Variants in FIRRM observed in about 807,000 individuals in gnomAD.
FIRRM encodes the protein FIGNL1-interacting regulator of recombination and mitosis.
the FIRRM span, among the ~76,000 whole-genome samples, chr1:169,786,550 T>C: frequency 6.6e-6 from 1 of 152,216 alleles, no homozygotes; most frequent in Non-Finnish European, 1.5e-5. Flanking sequence ...TTAGTGTACC[T>C]TTCCACACGC....
chr1:169,795,752 T>C, the FIRRM span: 1 of 985,324 alleles, frequency 1.0e-6, no homozygotes, highest in African/African-American at 1.7e-5. Flanking sequence ...TAAAAATGAT[T>C]TTCCTCCTTC....
chr1:169,839,336 C>G, the FIRRM span, among the ~76,000 whole-genome samples: 1 of 152,148 alleles, frequency 6.6e-6, no homozygotes, highest in African/African-American at 2.4e-5. Flanking sequence ...TTTGAGAAAT[C>G]TCCAAACTGC....
the FIRRM span, chr1:169,800,808 G>A: frequency 3.8e-6 from 2 of 531,914 alleles, no homozygotes; most frequent in South Asian, 2.2e-5. Context: ...TAGTATTCTT[G>A]CATTTAATAA....
the FIRRM span, among the ~76,000 whole-genome samples, chr1:169,816,053 G>A: frequency 1.3e-5 from 2 of 152,150 alleles, no homozygotes; most frequent in African/African-American, 4.8e-5. Flanking sequence ...ATTAGTAAGT[G>A]TTCGATTTAA....
chr1:169,826,470 C>G, the FIRRM span, among the ~76,000 whole-genome samples: 1 of 150,408 alleles, frequency 6.6e-6, no homozygotes, highest in Non-Finnish European at 1.5e-5. Flanking sequence ...TCAAGTGATT[C>G]TCCTGCCTCA....
At chr1:169,789,004 C>CCAA in the FIRRM span, among the ~76,000 whole-genome samples, 2 of 152,162 alleles carry the variant, frequency 1.3e-5, no homozygotes, top group East Asian at 3.8e-4. Flanking sequence ...GTGGCTTCCC[C>CCAA]CAACCATCTG....
the FIRRM span, chr1:169,829,251 A>G: frequency 1.9e-5 from 29 of 1,526,824 alleles, no homozygotes; most frequent in Non-Finnish European, 2.5e-5. Context: ...AATGTTCTCA[A>G]TTTCCCTGCA....
the FIRRM span, among the ~76,000 whole-genome samples, chr1:169,815,245 G>A: frequency 6.6e-5 from 10 of 150,788 alleles, no homozygotes; most frequent in African/African-American, 1.7e-4. Context: ...GCAGTGAGCC[G>A]AGATCGCGCC....
chr1:169,852,922 A>T, the FIRRM span: 1 of 1,614,176 alleles, frequency 6.2e-7, no homozygotes, highest in Non-Finnish European at 8.5e-7. Context: ...CTGGCTTTCA[A>T]TGGAAATGGA....
chr1:169,792,303 C>T, the FIRRM span, among the ~76,000 whole-genome samples: 1 of 152,094 alleles, frequency 6.6e-6, no homozygotes, highest in Admixed American at 6.5e-5. Context: ...CATGTAACGT[C>T]AAAGGTGGTA....
the FIRRM span, among the ~76,000 whole-genome samples, chr1:169,828,749 A>C: frequency 2.0e-5 from 3 of 151,818 alleles, no homozygotes; most frequent in African/African-American, 7.3e-5. Context: ...AGGTCTCACT[A>C]TGTTGCCCAG....
chr1:169,851,486 C>T, the FIRRM span: 1 of 195,850 alleles, frequency 5.1e-6, no homozygotes, highest in Non-Finnish European at 1.0e-5. Flanking sequence ...GCATGAGCCA[C>T]CACACTTGGC....
chr1:169,804,755 C>T, the FIRRM span, among the ~76,000 whole-genome samples: 1 of 152,182 alleles, frequency 6.6e-6, no homozygotes, highest in Non-Finnish European at 1.5e-5. Context: ...ACAATCTCGG[C>T]TCACTGCAAC....
At chr1:169,840,856 A>C in the FIRRM span, among the ~76,000 whole-genome samples, 1 of 152,120 alleles carries the variant, frequency 6.6e-6, no homozygotes, top group Non-Finnish European at 1.5e-5. Context: ...TGGTGTATAG[A>C]AATGGTACTG....
chr1:169,804,468 C>T, the FIRRM span: 3 of 277,422 alleles, frequency 1.1e-5, no homozygotes, highest in Non-Finnish European at 6.6e-6. Context: ...CAATGATTAA[C>T]TTATATAACT....
chr1:169,827,655 T>A, the FIRRM span: 5 of 1,599,110 alleles, frequency 3.1e-6, no homozygotes, highest in African/African-American at 6.7e-5. Context: ...AAAAAATTAT[T>A]CCTTTACGTA....
At chr1:169,792,863 A>C in the FIRRM span, 2 of 1,614,142 alleles carry the variant, frequency 1.2e-6, no homozygotes, top group East Asian at 4.5e-5. Flanking sequence ...TTCACTACTT[A>C]GTACAAGCTT....
the FIRRM span, among the ~76,000 whole-genome samples, chr1:169,807,544 C>T: frequency 6.6e-6 from 1 of 152,128 alleles, no homozygotes; most frequent in Non-Finnish European, 1.5e-5. Context: ...GTCTCCAGGG[C>T]CTGGTAGAAT....
chr1:169,825,312 T>C, the FIRRM span, among the ~76,000 whole-genome samples: 2 of 152,252 alleles, frequency 1.3e-5, no homozygotes, highest in African/African-American at 4.8e-5. Context: ...ACTTCTTGTC[T>C]TTCTTTCCTT....
Sources: allele counts gnomAD v4.1 joint callset (sites outside exome capture counted in the v4.1 genomes callset), GRCh38; gene constraint gnomAD v4.1.1; transcripts MANE v1.5; gene names NCBI Gene and HGNC (gene_info 2026-07-23, HGNC 2026-07-21).